Variants in PARM1 observed in about 807,000 individuals in gnomAD.
The protein encoded by PARM1 is WSC4, cell wall integrity and stress response component 4 homolog.
In PARM1, 14 loss-of-function variants were observed where a neutral mutation model predicts 24.6. That is an observed-to-expected ratio of 0.57 (90% CI 0.38 to 0.89). PARM1 has a LOEUF of 0.89. PARM1 is among the 40% of genes least tolerant of loss of function. The pLI, the probability that PARM1 is intolerant of heterozygous loss-of-function variation, is 0.00. For synonymous variants in PARM1, 179 were observed against 156.6 expected, an observed-to-expected ratio of 1.14 and a Z score of -1.07; for missense variants, 362 against 380.4, an observed-to-expected ratio of 0.95 and a Z score of 0.40.
chr4:75,026,936 C>T (rs1723191797), intron 2 of PARM1, among the ~76,000 whole-genome samples: 1 of 152,182 alleles, frequency 6.6e-6, no homozygotes, highest in Admixed American at 6.5e-5. Flanking sequence ...GCTCTGTCTT[C>T]AAGCCCAGTG....
chr4:74,961,439 A>G (rs990449540), intron 1 of PARM1, among the ~76,000 whole-genome samples: 1 of 152,214 alleles, frequency 6.6e-6, no homozygotes, highest in Non-Finnish European at 1.5e-5. Flanking sequence ...AAAGACATGA[A>G]TATAAACATT....
At chr4:75,017,075 C>G (rs1297083694) in intron 2 of PARM1, among the ~76,000 whole-genome samples, 1 of 152,180 alleles carries the variant, frequency 6.6e-6, no homozygotes, top group East Asian at 1.9e-4. Context: ...TCCTTTCTTT[C>G]TCACATACTG....
chr4:74,966,417 A>G (rs1480019634), intron 1 of PARM1, among the ~76,000 whole-genome samples: 1 of 152,202 alleles, frequency 6.6e-6, no homozygotes, highest in Non-Finnish European at 1.5e-5. Context: ...CTGGGAGGAG[A>G]CATCCAGGGT....
intron 1 of PARM1, 139 bp from the exon 2 acceptor site, chr4:75,012,286 A>C (rs765217593): frequency 3.4e-4 from 309 of 904,984 alleles, no homozygotes; most frequent in Non-Finnish European, 4.6e-4. Context: ...AGTTGCCTTC[A>C]CAACTGGGGA....
intron 2 of PARM1, among the ~76,000 whole-genome samples, chr4:75,019,695 A>C (rs1439727192): frequency 2.0e-5 from 3 of 152,206 alleles, no homozygotes; most frequent in Non-Finnish European, 4.4e-5. Flanking sequence ...TGAAACAATA[A>C]TTTTAAAAGT....
chr4:74,969,842 C>T (rs1235546660), intron 1 of PARM1: 2 of 152,140 alleles, frequency 1.3e-5, no homozygotes, highest in Non-Finnish European at 2.9e-5. Context: ...AGCCAAGGAG[C>T]AATAGGGGTT....
chr4:75,023,830 G>A (rs183501035), intron 2 of PARM1, among the ~76,000 whole-genome samples: 162 of 152,318 alleles, frequency 1.1e-3, no homozygotes, highest in African/African-American at 3.7e-3. Flanking sequence ...ATCTGCCCCT[G>A]AGGTTGGACA....
chr4:74,938,468 G>A (rs1378173412), intron 1 of PARM1, among the ~76,000 whole-genome samples: 1 of 152,162 alleles, frequency 6.6e-6, no homozygotes, highest in African/African-American at 2.4e-5. Context: ...AAATGAAGCA[G>A]TTTCTTGGAA....
At chr4:75,028,254 A>G (rs1205915748) in intron 2 of PARM1, among the ~76,000 whole-genome samples, 1 of 152,216 alleles carries the variant, frequency 6.6e-6, no homozygotes, top group East Asian at 1.9e-4. Context: ...TCTTGCTGTG[A>G]GAATGAAGAG....
chr4:74,954,129 C>A (rs1381726147), intron 1 of PARM1, among the ~76,000 whole-genome samples: 1 of 152,200 alleles, frequency 6.6e-6, no homozygotes, highest in Non-Finnish European at 1.5e-5. Flanking sequence ...GAGAAGAGAA[C>A]ATTCACTATT....
chr4:75,025,538 G>A, intron 2 of PARM1, among the ~76,000 whole-genome samples: 1 of 152,180 alleles, frequency 6.6e-6, no homozygotes, highest in Non-Finnish European at 1.5e-5. Flanking sequence ...GTAATTCTAA[G>A]TGAAGTGAAG....
chr4:74,975,572 G>A (rs906386223), intron 1 of PARM1, among the ~76,000 whole-genome samples: 3 of 152,178 alleles, frequency 2.0e-5, no homozygotes, highest in African/African-American at 7.2e-5. Context: ...TGAACATGAA[G>A]TCAAAGGTAT....
chr4:75,027,992 C>A (rs780533926), intron 2 of PARM1, among the ~76,000 whole-genome samples: 1 of 152,218 alleles, frequency 6.6e-6, no homozygotes, highest in East Asian at 1.9e-4. Flanking sequence ...TATCCCAGTT[C>A]TTCTACTTAG....
chr4:74,958,263 C>T (rs1204079137), intron 1 of PARM1, among the ~76,000 whole-genome samples: 1 of 152,084 alleles, frequency 6.6e-6, no homozygotes, highest in Non-Finnish European at 1.5e-5. Flanking sequence ...TCAGCACGTT[C>T]CTTGAACTAG....
chr4:75,001,261 A>T (rs1253100018), intron 1 of PARM1, among the ~76,000 whole-genome samples: 4 of 152,252 alleles, frequency 2.6e-5, no homozygotes, highest in African/African-American at 2.4e-5. Context: ...AAAAATTGAG[A>T]TATATTCATA....
intron 1 of PARM1, among the ~76,000 whole-genome samples, chr4:74,980,321 AAC>A (rs1231183726): frequency 6.6e-6 from 1 of 152,132 alleles, no homozygotes; most frequent in African/African-American, 2.4e-5. Flanking sequence ...ATACACCAAT[AAC>A]ACACAAGCAG....
intron 1 of PARM1, among the ~76,000 whole-genome samples, chr4:74,934,777 GTACCTTTACTTCTCCTCAC>G (rs1436867955): frequency 6.6e-6 from 1 of 152,170 alleles, no homozygotes; most frequent in Non-Finnish European, 1.5e-5. Context: ...GACACGGAAG[GTACCTTTACTTCTCCTCAC>G]TCAAAAATCT....
intron 1 of PARM1, among the ~76,000 whole-genome samples, chr4:74,960,446 G>C (rs759102976): frequency 1.3e-5 from 2 of 152,084 alleles, no homozygotes; most frequent in Non-Finnish European, 2.9e-5. Context: ...AAAACTAACC[G>C]AGAAGACCTT....
chr4:75,025,625 C>G (rs1235963142), intron 2 of PARM1, among the ~76,000 whole-genome samples: 6 of 152,072 alleles, frequency 3.9e-5, no homozygotes, highest in Non-Finnish European at 7.4e-5. Context: ...TGTGCGCTCC[C>G]CAGGTCCTTA....
Sources: allele counts gnomAD v4.1 joint callset (sites outside exome capture counted in the v4.1 genomes callset), GRCh38; gene constraint gnomAD v4.1.1; transcripts MANE v1.5; gene names NCBI Gene and HGNC (gene_info 2026-07-23, HGNC 2026-07-21).